MAX: variants seen among roughly 807,000 people sequenced by gnomAD.
The protein encoded by MAX is MYC associated transcriptional regulator X.
A neutral mutation model predicts 22.3 loss-of-function variants in MAX; 3 were observed. The observed-to-expected ratio is 0.13, with a 90% confidence interval of 0.06 to 0.35. The LOEUF is 0.35. MAX is among the 10% of genes least tolerant of loss of function. The probability of loss-of-function intolerance (pLI) is 1.00; values close to 1 mark genes in which losing one functional copy is unlikely to be tolerated. For synonymous variants in MAX, 72 were observed against 77.7 expected (o/e 0.93, Z 0.39); for missense variants, 119 against 209.4 (o/e 0.57, Z 2.66).
At position 65,054,651 on chromosome 14, in the gene MAX, T is replaced by C; in HGVS notation, c.171+39057A>G. On this transcript the variant is annotated intron_variant, in intron 3 of 3. Coordinates refer to the MAX transcript ENST00000341653. This position sits in a 1 kb window ranked among gnomAD's most constrained non-coding sequence, Gnocchi z 4.4. ...CCAGCACTTCGGCAGCGGAGCCATG[T>C]TGCATGATGTGGTCCTGGGTGTGCC... is the stretch of plus-strand genomic sequence containing the variant. The C allele has an allele frequency of 6.2e-7, 1 of 1,613,492 alleles. No homozygotes were observed. The highest frequency in any genetic ancestry group is 8.5e-7 in the Non-Finnish European group (1 of 1,179,716).
chr14:65,067,937 C>A (rs375805859), intron 3 of MAX, among the ~76,000 whole-genome samples: 1 of 151,854 alleles, frequency 6.6e-6, no homozygotes, highest in Admixed American at 6.6e-5. Flanking sequence ...CCAGACCATG[C>A]GTAACAGTTT....
intron 3 of MAX, among the ~76,000 whole-genome samples, chr14:65,055,524 T>G (rs2062714966): frequency 6.6e-6 from 1 of 151,576 alleles, no homozygotes; most frequent in Non-Finnish European, 1.5e-5. Flanking sequence ...TAATTTTTAA[T>G]TTTTTTTTGT....
At chr14:65,034,740 A>G (rs2062152320) in intron 3 of MAX, among the ~76,000 whole-genome samples, 1 of 152,180 alleles carries the variant, frequency 6.6e-6, no homozygotes, top group Admixed American at 6.5e-5. Flanking sequence ...GTATGGAATT[A>G]TAATGTCTGC....
rs993114843 is a variant in MAX, at chr14:65,044,093, A to G, written c.172-37809T>C. Among the ~76,000 whole-genome samples, 1 of 152,200 alleles carries G rather than the reference A, an allele frequency of 6.6e-6. No homozygotes were observed. Among genetic ancestry groups the G allele is most frequent in the Non-Finnish European group, 1.5e-5 (1 of 68,026 alleles). ...GTCTGCCAGGCATTGAGCAGAGATC[A>G]GTGCTGGATGCCTCTACAGCGTTGG... On this transcript the variant is annotated intron_variant, in intron 3 of 3. Coordinates refer to the MAX transcript ENST00000341653. This position sits in a 1 kb window ranked among gnomAD's most constrained non-coding sequence, Gnocchi z 5.5.
At chr14:65,049,278 C>T (rs1381515537) in intron 3 of MAX, among the ~76,000 whole-genome samples, 1 of 152,194 alleles carries the variant, frequency 6.6e-6, no homozygotes, top group Admixed American at 6.5e-5. Flanking sequence ...TTCTTTTGGA[C>T]ATACCCTGGA....
chr14:65,098,105 G>A (rs183515890), intron 2 of MAX, among the ~76,000 whole-genome samples: 107 of 152,224 alleles, frequency 7.0e-4, no homozygotes, highest in East Asian at 5.8e-4. Flanking sequence ...CTATTTCACC[G>A]TTACTGGCAT....
In MAX at chr14:65,097,367, C is replaced by G. The variant is rs561812792; in HGVS notation, c.64-3552G>C. On this transcript the variant is annotated intron_variant, in intron 2 of 4. Transcript: ENST00000358664. ...ACTGCAGAGAGACTGCATCTTTGTT[C>G]AAGGCATCACATCAGTCAGTAATCT... 1.6e-3 allele frequency among the ~76,000 whole-genome samples: 248 copies of G among 152,320 alleles called. 2 individuals are homozygous for G. The highest frequency in any genetic ancestry group is 5.3e-3 in the African/African-American group (222 of 41,564).
At chr14:65,086,897 A>G (rs892007740) in intron 3 of MAX, among the ~76,000 whole-genome samples, 1 of 152,222 alleles carries the variant, frequency 6.6e-6, no homozygotes, top group Non-Finnish European at 1.5e-5. Flanking sequence ...TCACAGACCC[A>G]GAGGCCTAGG....
At chr14:65,035,917 G>A (rs1261834399) in intron 3 of MAX, among the ~76,000 whole-genome samples, 2 of 148,268 alleles carry the variant, frequency 1.3e-5, no homozygotes, top group African/African-American at 5.0e-5. Flanking sequence ...CTGCAGCCTT[G>A]ACCTCCTGGG....
intron 3 of MAX, chr14:65,021,969 A>C (rs1202783396): frequency 2.2e-6 from 1 of 455,972 alleles, no homozygotes; most frequent in South Asian, 1.5e-5. Context: ...TTTCGACCTG[A>C]CCATTCTTCC....
At chr14:65,066,857 CAT>C (rs2062935350) in intron 3 of MAX, among the ~76,000 whole-genome samples, 1 of 101,546 alleles carries the variant, frequency 9.8e-6, no homozygotes, top group African/African-American at 4.2e-5. Context: ...AGTGAAATTC[CAT>C]CTCAAAAAAA....
intron 3 of MAX, among the ~76,000 whole-genome samples, chr14:65,043,822 C>A (rs2062408791): frequency 9.7e-6 from 1 of 103,236 alleles, no homozygotes; most frequent in Admixed American, 1.2e-4. Context: ...GAGCGAGACT[C>A]CGTCTCAAAA....
Position 65,077,843 on chromosome 14 carries a change from G to A in MAX, c.295+70C>T. 11 of 1,614,174 alleles carry A rather than the reference G, an allele frequency of 6.8e-6. No homozygotes were observed. Among genetic ancestry groups the A allele is most frequent in the South Asian group, 1.1e-5 (1 of 91,092 alleles). On this transcript the variant is annotated intron_variant, in intron 4 of 4. Coordinates refer to ENST00000358664, the MANE Select transcript of MAX (RefSeq NM_002382.5). This position sits in a 1 kb window ranked among gnomAD's most constrained non-coding sequence, Gnocchi z 6.3. ...TCCATGACTGGCTCTGACTCTGCAG[G>A]CCCAGGTGCCAAAGCCTGACCTGGC...
In MAX at chr14:65,027,714, T is replaced by C. The variant is rs2062009497; in HGVS notation, c.172-21430A>G. The C allele has an allele frequency of 3.1e-6, 5 of 1,614,190 alleles. No individual in the cohort carries two copies. In the East Asian group the frequency reaches 1.1e-4, roughly 36 times the overall value. On this transcript the variant is annotated intron_variant, in intron 3 of 3. Transcript: ENST00000341653. The surrounding 1 kb of genome is among the most constrained non-coding windows in gnomAD (Gnocchi z 5.7). ...GTTTCTCAGAGAGAAGCTTCTTCAG[T>C]ATTTGTACTCCCTGAAGCAACCTGA...
At chr14:65,090,199 G>A (rs1312323439) in intron 3 of MAX, 1 of 152,176 alleles carries the variant, frequency 6.6e-6, no homozygotes, top group Non-Finnish European at 1.5e-5. Flanking sequence ...CTATCCAGGG[G>A]AAGCTCCCAG....
rs1738052667 is a variant in MAX, at chr14:65,032,337, G to A, written c.172-26053C>T. 1 of 306,832 alleles carries A rather than the reference G, an allele frequency of 3.3e-6. No homozygotes were observed. Among genetic ancestry groups the A allele is most frequent in the South Asian group, 7.9e-5 (1 of 12,646 alleles). The allele number at this position is 306,832 out of a possible 1,614,324, so 19.0% of individuals were successfully genotyped here. Reference sequence around the variant, plus strand: ...TCCACTTTTGACATGAATTGATATGGCTGTTATTTCCTCTGATGTAGATTG... The same window carrying A: ...TCCACTTTTGACATGAATTGATATGACTGTTATTTCCTCTGATGTAGATTG... On this transcript the variant is annotated intron_variant, in intron 3 of 3. Coordinates refer to the MAX transcript ENST00000341653. The surrounding 1 kb of genome is among the most constrained non-coding windows in gnomAD (Gnocchi z 5.0).
At position 65,102,488 on chromosome 14, in the gene MAX, C is replaced by A; in HGVS notation, c.-149G>T. 10 of 1,500,844 alleles carry A rather than the reference C, an allele frequency of 6.7e-6. No individual in the cohort carries two copies. Among genetic ancestry groups the A allele is most frequent in the South Asian group, 1.3e-5 (1 of 77,172 alleles). The allele number at this position is 1,500,844 out of a possible 1,614,324, so 93.0% of individuals were successfully genotyped here. ...ACTCGCTCTCTCACTCACACACACACACAACACGGGCAAGAACCACCTCCT... is the reference window on the plus strand; with the variant it reads ...ACTCGCTCTCTCACTCACACACACAAACAACACGGGCAAGAACCACCTCCT... On this transcript the variant is annotated 5_prime_UTR_variant, in exon 1 of 5. Transcript: ENST00000358664.
rs919918697 is a variant in MAX, at chr14:65,047,794, C to G, written c.172-41510G>C. Among the ~76,000 whole-genome samples, 1 of 151,970 alleles carries G rather than the reference C, an allele frequency of 6.6e-6. No homozygotes were observed. Among genetic ancestry groups the G allele is most frequent in the Admixed American group, 6.6e-5 (1 of 15,250 alleles). ...CCAAACAGTAGCTGCATACCATGGG[C>G]TGATATAGAAAGCTCTGCAAGATAC... On this transcript the variant is annotated intron_variant, in intron 3 of 3. Coordinates refer to the MAX transcript ENST00000341653. The surrounding 1 kb of genome is among the most constrained non-coding windows in gnomAD (Gnocchi z 5.2).
chr14:65,051,255 C>G (rs1028836075), intron 3 of MAX, among the ~76,000 whole-genome samples: 1 of 152,184 alleles, frequency 6.6e-6, no homozygotes, highest in Non-Finnish European at 1.5e-5. Context: ...CCTTGGAAAC[C>G]CTTTTCCTCT....
Sources: gnomAD v4.1 joint callset for allele counts (sites outside exome capture counted in the v4.1 genomes callset) on GRCh38, gnomAD v4.1.1 for gene constraint, Gnocchi (gnomAD v3.1) non-coding constraint, MANE v1.5 for transcripts, NCBI Gene and HGNC (gene_info 2026-07-23, HGNC 2026-07-21) for gene names.